The following TEX9 variants were observed in gnomAD, a reference collection of about 807,000 sequenced individuals.
TEX9 encodes the protein testis-expressed protein 9.
A neutral mutation model predicts 59.6 loss-of-function variants in TEX9; 74 were observed. That is an observed-to-expected ratio of 1.24 (90% confidence interval 1.03 to 1.51). The LOEUF is 1.51. Among genes scored for constraint, TEX9 ranks in the 40% most tolerant of loss-of-function variants. The probability of loss-of-function intolerance (pLI) is 0.00; values close to 1 mark genes in which losing one functional copy is unlikely to be tolerated. For synonymous variants in TEX9, 186 were observed against 152.2 expected (o/e 1.22, Z -1.64); for missense variants, 522 against 447.8 (o/e 1.17, Z -1.49).
intron 1 of TEX9, among the ~76,000 whole-genome samples, chr15:56,298,081 C>T (rs576345322): frequency 2.0e-5 from 3 of 152,350 alleles, no homozygotes; most frequent in Admixed American, 1.3e-4. Context: ...CAAGTTGCTT[C>T]TGCCCATGTT....
At chr15:56,429,611 C>CAA (rs1300064383) in intron 12 of TEX9, 1 of 152,866 alleles carries the variant, frequency 6.5e-6, no homozygotes, top group African/African-American at 2.4e-5. Flanking sequence ...GGCTAATCAG[C>CAA]AAACAGTCAA....
intron 1 of TEX9, among the ~76,000 whole-genome samples, chr15:56,351,723 T>A (rs1484710657): frequency 6.6e-6 from 1 of 152,158 alleles, no homozygotes; most frequent in Non-Finnish European, 1.5e-5. Flanking sequence ...CTAAAAAAAT[T>A]CTAGTTTCAA....
chr15:56,436,686 T>A (rs1388707436), intron 12 of TEX9, among the ~76,000 whole-genome samples: 1 of 151,756 alleles, frequency 6.6e-6, no homozygotes, highest in Admixed American at 6.6e-5. Context: ...TCTGAGAAGA[T>A]CAACAAAATT....
upstream of TEX9, among the ~76,000 whole-genome samples, chr15:56,360,911 A>T (rs924027820): frequency 2.0e-5 from 3 of 152,180 alleles, no homozygotes; most frequent in Non-Finnish European, 4.4e-5. Flanking sequence ...TTTCCTGTGG[A>T]AACTCCAATA....
chr15:56,452,878 A>G, the TEX9 span, among the ~76,000 whole-genome samples: 1 of 152,178 alleles, frequency 6.6e-6, no homozygotes, highest in African/African-American at 2.4e-5. Context: ...TAAGGTGGTA[A>G]GAACCTTCTC....
chr15:56,266,575 T>C (rs1288648212), intron 1 of TEX9, among the ~76,000 whole-genome samples: 1 of 148,512 alleles, frequency 6.7e-6, no homozygotes, highest in African/African-American at 2.5e-5. Context: ...GAACACGCAG[T>C]GTTTGGTTTT....
Position 56,295,323 on chromosome 15 carries a change from G to A in TEX9, c.-107+51045G>A, listed in dbSNP as rs566657143. Among the ~76,000 whole-genome samples the A allele has an allele frequency of 2.0e-5, 3 of 152,200 alleles. No homozygotes were observed. The South Asian group carries it at 6.2e-4, about 32-fold the overall frequency. On this transcript the variant is annotated intron_variant, in intron 1 of 5. Transcript: ENST00000560827. ...CCCACAGAGCTGCTTTGTAAATGTG[G>A]CTATTACTAATAGCTATTATAACAT...
rs1342219530 is a variant in TEX9, at chr15:56,432,760, C to T, written c.*29+4287C>T. Reference sequence around the variant, plus strand: ...CCTGATCCTGCTTAGCTTCTGAGAACAGATGAGCTCCAATCTGAAATATAA... The same window carrying T: ...CCTGATCCTGCTTAGCTTCTGAGAATAGATGAGCTCCAATCTGAAATATAA... On this transcript the variant is annotated intron_variant, in intron 12 of 12. Coordinates refer to ENST00000352903, the Ensembl canonical transcript of TEX9. 2.6e-5 allele frequency among the ~76,000 whole-genome samples: 4 copies of T among 152,286 alleles called. No homozygotes were observed. The East Asian group carries it at 7.7e-4, about 29-fold the overall frequency.
intron 9 of TEX9, among the ~76,000 whole-genome samples, chr15:56,407,693 ACTTTTGGAGATGATT>A (rs2049145409): frequency 1.3e-5 from 2 of 152,038 alleles, no homozygotes; most frequent in South Asian, 4.2e-4. Context: ...TCCCTCTCCC[ACTTTTGGAGATGATT>A]ATTAAACAGT....
chr15:56,421,135 G>C (rs927933045), intron 10 of TEX9, among the ~76,000 whole-genome samples: 3 of 151,826 alleles, frequency 2.0e-5, no homozygotes, highest in African/African-American at 7.3e-5. Flanking sequence ...GATCAAGAGA[G>C]GGGTACTAAA....
At chr15:56,444,387 C>G (rs987723844) in intron 12 of TEX9, 3 of 1,443,058 alleles carry the variant, frequency 2.1e-6, no homozygotes, top group African/African-American at 2.8e-5. Flanking sequence ...TCACAACAAA[C>G]CTGTGATATA....
rs572045254 is a variant in TEX9 at position 56,284,099 on chromosome 15, A to G, written c.-107+39821A>G. Among the ~76,000 whole-genome samples, 12 of 152,332 alleles carry G rather than the reference A, an allele frequency of 7.9e-5. No homozygotes were observed. The South Asian group carries it at 2.5e-3, about 32-fold the overall frequency. On this transcript the variant is annotated intron_variant, in intron 1 of 5. Coordinates refer to the TEX9 transcript ENST00000560827. ...ATACAAATCTTTTAGAAGACATTTT[A>G]GCAATGTGTCAAGTGCCCTAAAAAT...
intron 1 of TEX9, among the ~76,000 whole-genome samples, chr15:56,353,193 A>G (rs75988518): frequency 0.012 from 1,799 of 152,272 alleles, 42 homozygotes; most frequent in African/African-American, 0.041. Flanking sequence ...AGAAAAAATA[A>G]AAATATAAGC....
intron 12 of TEX9, chr15:56,443,705 T>A: frequency 6.2e-7 from 1 of 1,613,526 alleles, no homozygotes; most frequent in South Asian, 1.1e-5. Context: ...TTCTTCTCTT[T>A]GCTGCTGCAT....
chr15:56,460,007 A>ATATATATATATATATATATATATATAT, the TEX9 span, among the ~76,000 whole-genome samples: 1 of 27,614 alleles, frequency 3.6e-5, no homozygotes, highest in Non-Finnish European at 7.1e-5. Flanking sequence ...AAAAAAAAAA[A>ATATATATATATATATATATATATATAT]AAATACATAT....
chr15:56,273,725 A>AT (rs2044604528), intron 1 of TEX9, among the ~76,000 whole-genome samples: 1 of 152,054 alleles, frequency 6.6e-6, no homozygotes, highest in Non-Finnish European at 1.5e-5. Context: ...TGGTTTGACA[A>AT]TTTTTTCAGC....
chr15:56,454,568 C>A, the TEX9 span, among the ~76,000 whole-genome samples: 1 of 151,802 alleles, frequency 6.6e-6, no homozygotes, highest in Non-Finnish European at 1.5e-5. Context: ...CTTTTTTGTT[C>A]TGGCTGCTTT....
the TEX9 span, among the ~76,000 whole-genome samples, chr15:56,452,260 C>T: frequency 6.6e-6 from 1 of 152,228 alleles, no homozygotes; most frequent in Admixed American, 6.5e-5. Flanking sequence ...GAAAAAGGCA[C>T]ATGGGTGAAA....
At chr15:56,320,517 G>C (rs1457415349) in intron 1 of TEX9, among the ~76,000 whole-genome samples, 1 of 152,096 alleles carries the variant, frequency 6.6e-6, no homozygotes, top group Non-Finnish European at 1.5e-5. Context: ...GAAAGAGAGA[G>C]ACAGAGCAAG....
Sources: gnomAD v4.1 joint callset for allele counts (sites outside exome capture counted in the v4.1 genomes callset) on GRCh38, gnomAD v4.1.1 for gene constraint, MANE v1.5 for transcripts, NCBI Gene and HGNC (gene_info 2026-07-23, HGNC 2026-07-21) for gene names.